Variants in NBEA observed in about 807,000 individuals in gnomAD.
NBEA encodes neurobeachin.
Under a neutral mutation model 343.4 loss-of-function variants are expected in NBEA, and 44 were observed. The ratio of observed to expected loss-of-function variants is 0.13; its 90% CI spans 0.10 to 0.16. The LOEUF is 0.16. Among genes scored for constraint, NBEA ranks in the 10% least tolerant of loss-of-function variants. NBEA has a pLI of 1.00. For synonymous variants in NBEA, 1,175 were observed against 1,238.7 expected, an observed-to-expected ratio of 0.95 and a Z score of 1.08; for missense variants, 2,555 against 3,631.3, an observed-to-expected ratio of 0.70 and a Z score of 7.62.
At chr13:35,031,148 C>T (rs889793597) in intron 1 of NBEA, among the ~76,000 whole-genome samples, 2 of 151,710 alleles carry the variant, frequency 1.3e-5, no homozygotes, top group African/African-American at 2.4e-5. Context: ...ACCTCATTAT[C>T]GGCTTCTATT....
At chr13:35,404,734 C>T (rs2043183196) in intron 38 of NBEA, among the ~76,000 whole-genome samples, 1 of 150,186 alleles carries the variant, frequency 6.7e-6, no homozygotes, top group Non-Finnish European at 1.5e-5. Context: ...GCACATGTAC[C>T]CTAAAACTTA....
chr13:35,177,665 A>C (rs1444062670), intron 28 of NBEA, among the ~76,000 whole-genome samples: 3 of 151,836 alleles, frequency 2.0e-5, no homozygotes, highest in Admixed American at 6.6e-5. Context: ...AAATAAAAAT[A>C]AGATTGGCCT....
chr13:35,100,597 T>C (rs1015742313), intron 11 of NBEA, among the ~76,000 whole-genome samples: 1 of 152,008 alleles, frequency 6.6e-6, no homozygotes, highest in African/African-American at 2.4e-5. Flanking sequence ...GATGAGAATG[T>C]ATCAGAAAAT....
intron 34 of NBEA, among the ~76,000 whole-genome samples, chr13:35,259,021 C>T (rs554073569): frequency 1.3e-5 from 2 of 152,194 alleles, no homozygotes; most frequent in Admixed American, 1.3e-4. Context: ...ACTTAAGATG[C>T]GTTCAACTTA....
At chr13:35,374,651 A>G (rs2041640240) in intron 38 of NBEA, among the ~76,000 whole-genome samples, 1 of 152,206 alleles carries the variant, frequency 6.6e-6, no homozygotes, top group Non-Finnish European at 1.5e-5. Context: ...GATATTTCAA[A>G]TTGGTAATAA....
intron 41 of NBEA, among the ~76,000 whole-genome samples, chr13:35,513,900 A>C (rs1377519270): frequency 1.3e-5 from 2 of 152,190 alleles, no homozygotes; most frequent in Non-Finnish European, 2.9e-5. Flanking sequence ...GAGATTAGAA[A>C]ATCTATTTTA....
intron 1 of NBEA, among the ~76,000 whole-genome samples, chr13:34,982,373 C>T (rs773709231): frequency 6.6e-6 from 1 of 151,984 alleles, no homozygotes; most frequent in African/African-American, 2.4e-5. Flanking sequence ...TACCTCAGCT[C>T]ACTGCAACCC....
intron 1 of NBEA, among the ~76,000 whole-genome samples, chr13:35,006,006 T>C (rs996608134): frequency 6.6e-6 from 1 of 152,186 alleles, no homozygotes; most frequent in African/African-American, 2.4e-5. Context: ...ATAAGCTGCA[T>C]GTGGTTGATC....
At chr13:35,538,034 C>A (rs927694127) in intron 41 of NBEA, among the ~76,000 whole-genome samples, 2 of 152,186 alleles carry the variant, frequency 1.3e-5, no homozygotes, top group Admixed American at 1.3e-4. Flanking sequence ...ATTGGACCAG[C>A]CAGCCAAATT....
intron 1 of NBEA, among the ~76,000 whole-genome samples, chr13:35,040,187 T>C (rs115240748): frequency 0.036 from 5,506 of 152,228 alleles, 324 homozygotes; most frequent in African/African-American, 0.12. Flanking sequence ...TAATAGTTCC[T>C]ATGGGATTCG....
chr13:34,949,280 A>G (rs1286655233), intron 1 of NBEA, among the ~76,000 whole-genome samples: 3 of 152,192 alleles, frequency 2.0e-5, no homozygotes, highest in Non-Finnish European at 4.4e-5. Flanking sequence ...GCCTATTGCT[A>G]TGAGACTGAA....
intron 38 of NBEA, among the ~76,000 whole-genome samples, chr13:35,421,438 C>T (rs970238038): frequency 6.6e-6 from 1 of 152,048 alleles, no homozygotes; most frequent in Admixed American, 6.6e-5. Flanking sequence ...AATATAGACA[C>T]TATGTCCTTT....
intron 49 of NBEA, among the ~76,000 whole-genome samples, chr13:35,640,231 T>A (rs367753639): frequency 1.3e-5 from 2 of 152,328 alleles, no homozygotes; most frequent in East Asian, 1.9e-4. Flanking sequence ...CAGGTATGTA[T>A]CTTTATTCAT....
intron 1 of NBEA, among the ~76,000 whole-genome samples, chr13:34,957,998 T>C (rs940974567): frequency 6.6e-6 from 1 of 152,120 alleles, no homozygotes; most frequent in African/African-American, 2.4e-5. Flanking sequence ...GAGTGTTCTT[T>C]AAGTGTAAAA....
At chr13:35,197,250 A>G (rs1190845909) in intron 31 of NBEA, among the ~76,000 whole-genome samples, 1 of 152,178 alleles carries the variant, frequency 6.6e-6, no homozygotes, top group Non-Finnish European at 1.5e-5. Flanking sequence ...AATCATTGTT[A>G]TTGATGTTTT....
At chr13:35,163,044 G>T (rs559844304) in intron 23 of NBEA, among the ~76,000 whole-genome samples, 3 of 152,132 alleles carry the variant, frequency 2.0e-5, no homozygotes, top group Non-Finnish European at 2.9e-5. Context: ...GAAGACCAAT[G>T]TATGGAGATA....
At chr13:35,599,777 T>A (rs1203820890) in intron 47 of NBEA, among the ~76,000 whole-genome samples, 1 of 152,226 alleles carries the variant, frequency 6.6e-6, no homozygotes, top group Non-Finnish European at 1.5e-5. Flanking sequence ...GGAGGACTGT[T>A]ATAGCCATCT....
intron 17 of NBEA, among the ~76,000 whole-genome samples, chr13:35,125,647 C>T (rs1002189818): frequency 5.9e-5 from 9 of 151,928 alleles, no homozygotes; most frequent in East Asian, 1.9e-4. Context: ...AGATGGTCCA[C>T]GTAAATTAGA....
chr13:35,269,229 T>A (rs187849763), intron 34 of NBEA, among the ~76,000 whole-genome samples: 1 of 152,156 alleles, frequency 6.6e-6, no homozygotes, highest in Non-Finnish European at 1.5e-5. Context: ...AAACATTGTT[T>A]TCTCATTTTT....
Sources: allele counts gnomAD v4.1 joint callset (sites outside exome capture counted in the v4.1 genomes callset), GRCh38; gene constraint gnomAD v4.1.1; transcripts MANE v1.5; gene names NCBI Gene and HGNC (gene_info 2026-07-23, HGNC 2026-07-21).